Variants in SUGP2 observed in about 807,000 individuals in gnomAD.
SUGP2 encodes the protein SURP and G-patch domain containing 2.
In SUGP2, 24 loss-of-function variants were observed where a neutral mutation model predicts 90.5. The observed-to-expected ratio is 0.27, with a 90% confidence interval of 0.19 to 0.37. The LOEUF (loss-of-function observed/expected upper bound fraction) is 0.37. SUGP2 is among the 10% of genes least tolerant of loss of function. SUGP2 has a pLI of 1.00. For missense variants in SUGP2, 1,233 were observed against 1,363.3 expected, an observed-to-expected ratio of 0.90 and a Z score of 1.51; for synonymous variants, 473 against 513.4, an observed-to-expected ratio of 0.92 and a Z score of 1.06.
chr19:19,026,514 GAC>G (rs1245564155), intron 2 of SUGP2, among the ~76,000 whole-genome samples: 2 of 152,188 alleles, frequency 1.3e-5, no homozygotes, highest in African/African-American at 2.4e-5. Flanking sequence ...TGACGGGCAA[GAC>G]ACAGACTCTC....
At chr19:19,022,389 C>T (rs1225640215) in intron 3 of SUGP2, among the ~76,000 whole-genome samples, 1 of 152,194 alleles carries the variant, frequency 6.6e-6, no homozygotes, top group Admixed American at 6.6e-5. Flanking sequence ...CTGAGGCTTG[C>T]AGATGCTAAC....
intron 2 of SUGP2, 140 bp from the exon 3 acceptor site, chr19:19,026,366 T>C: frequency 1.3e-6 from 1 of 772,110 alleles, no homozygotes; most frequent in Non-Finnish European, 2.0e-6. Context: ...TTTGCCAATC[T>C]GTATTTGCTG....
intron 2 of SUGP2, among the ~76,000 whole-genome samples, chr19:19,027,237 G>C (rs2058971768): frequency 6.6e-6 from 1 of 152,218 alleles, no homozygotes; most frequent in Non-Finnish European, 1.5e-5. Context: ...GGGCCTCAGG[G>C]AGAGTTTTCA....
intron 4 of SUGP2, 62 bp downstream of exon 4, chr19:19,019,047 G>A (rs913313539): frequency 6.4e-7 from 1 of 1,566,494 alleles, no homozygotes; most frequent in Non-Finnish European, 8.7e-7. Context: ...CCATCAGAGT[G>A]ACCCAAATTT....
intron 10 of SUGP2, chr19:18,994,053 G>C (rs1195816060): frequency 3.1e-5 from 7 of 228,796 alleles, no homozygotes; most frequent in Non-Finnish European, 6.0e-5. Context: ...AGACAGGCGT[G>C]GCCTATTTCC....
chr19:19,032,295 A>AT (rs1223334520), intron 1 of SUGP2, among the ~76,000 whole-genome samples: 1 of 151,666 alleles, frequency 6.6e-6, no homozygotes, highest in Non-Finnish European at 1.5e-5. Flanking sequence ...AGTAGCTGGG[A>AT]TTACAGGAGT....
intron 8 of SUGP2, among the ~76,000 whole-genome samples, chr19:19,000,565 T>A (rs1185848120): frequency 6.6e-6 from 1 of 152,180 alleles, no homozygotes; most frequent in African/African-American, 2.4e-5. Context: ...TTATGTTTTA[T>A]TTTTTAAGGA....
At chr19:19,016,898 A>C (rs764887957) in intron 4 of SUGP2, among the ~76,000 whole-genome samples, 1 of 152,256 alleles carries the variant, frequency 6.6e-6, no homozygotes, top group Non-Finnish European at 1.5e-5. Flanking sequence ...TTTAAGTTAC[A>C]TGCCTACCTC....
At chr19:19,028,377 T>G (rs1568464953) in intron 2 of SUGP2, among the ~76,000 whole-genome samples, 1 of 152,170 alleles carries the variant, frequency 6.6e-6, no homozygotes, top group Admixed American at 6.5e-5. Flanking sequence ...AGAGGGATGA[T>G]CTCACTGGCT....
In SUGP2 at chr19:18,995,290, G is replaced by C. The variant is rs1373235838; in HGVS notation, c.2992-10C>G. ...CCAAGTCCTTGGGTTTCTGAGGAGAGAGGAGAGTCCAGGCATGTGGGCCAC... is the reference window on the plus strand; with the variant it reads ...CCAAGTCCTTGGGTTTCTGAGGAGACAGGAGAGTCCAGGCATGTGGGCCAC... On this transcript the variant is annotated splice_polypyrimidine_tract_variant and intron_variant, in intron 8 of 10. Transcript: ENST00000452918. 1 of 1,599,312 alleles carries C rather than the reference G, an allele frequency of 6.3e-7. No individual in the cohort carries two copies. The highest frequency in any genetic ancestry group is 1.3e-5 in the African/African-American group (1 of 74,764).
chr19:19,007,205 AC>A (rs1246206471), intron 6 of SUGP2: 1 of 152,210 alleles, frequency 6.6e-6, no homozygotes, highest in Non-Finnish European at 1.5e-5. Context: ...GCTGAGCTCC[AC>A]CTATCCAAGG....
At chr19:18,996,382 T>TGA (rs2057587163) in intron 8 of SUGP2, among the ~76,000 whole-genome samples, 1 of 152,024 alleles carries the variant, frequency 6.6e-6, no homozygotes, top group Non-Finnish European at 1.5e-5. Flanking sequence ...GGCAACACAA[T>TGA]GAGACTGTCT....
At chr19:19,014,223 C>T (rs1296686068) in intron 4 of SUGP2, among the ~76,000 whole-genome samples, 1 of 152,132 alleles carries the variant, frequency 6.6e-6, no homozygotes, top group African/African-American at 2.4e-5. Context: ...AAATTCCTGA[C>T]CTCATGCGGC....
In SUGP2 at chr19:19,025,446, C is replaced by T. The variant is rs1385422607; in HGVS notation, c.902G>A (p.Gly301Glu). The change falls in exon 3 of 11, where the codon GGG becomes GAG. Residue 301 changes from glycine to glutamate, a missense_variant. Coordinates refer to ENST00000452918, the MANE Select transcript of SUGP2 (RefSeq NM_001017392.5). ...IQFPIQKIPL[G>E]LDLKNLRLPR... ...GAGCCGAAGATTCTTCAGATCCAGCCCCAGAGGGATCTTCTGAATGGGGAA... is the reference window on the plus strand; with the variant it reads ...GAGCCGAAGATTCTTCAGATCCAGCTCCAGAGGGATCTTCTGAATGGGGAA... The T allele has an allele frequency of 6.2e-7, 1 of 1,614,142 alleles. No individual in the cohort carries two copies. Among genetic ancestry groups the T allele is most frequent in the Admixed American group, 1.7e-5 (1 of 60,006 alleles).
intron 2 of SUGP2, among the ~76,000 whole-genome samples, chr19:19,028,477 G>A (rs2059018373): frequency 6.6e-6 from 1 of 152,202 alleles, no homozygotes; most frequent in Non-Finnish European, 1.5e-5. Flanking sequence ...TTGATGATTG[G>A]TATTGATGGC....
intron 6 of SUGP2, among the ~76,000 whole-genome samples, chr19:19,005,491 A>T (rs1479658190): frequency 6.6e-6 from 1 of 152,106 alleles, no homozygotes; most frequent in Non-Finnish European, 1.5e-5. Flanking sequence ...CAGCCCCACC[A>T]AGCACTATAA....
At chr19:19,009,574 G>A (rs1374346527) in intron 5 of SUGP2, among the ~76,000 whole-genome samples, 2 of 152,146 alleles carry the variant, frequency 1.3e-5, no homozygotes, top group African/African-American at 4.8e-5. Flanking sequence ...ACCGCCCACG[G>A]CCCCAGCAGC....
rs2057346067 is a variant in SUGP2 at position 18,991,200 on chromosome 19, C to T, written c.*2541G>A. 6.6e-6 allele frequency: 1 copy of T among 152,210 alleles called. No homozygotes were observed. Among genetic ancestry groups the T allele is most frequent in the African/African-American group, 2.4e-5 (1 of 41,452 alleles). The allele number at this position is 152,210 out of a possible 1,614,324, so 9.4% of individuals were successfully genotyped here. On this transcript the variant is annotated 3_prime_UTR_variant, in exon 11 of 11. Coordinates refer to ENST00000452918, the MANE Select transcript of SUGP2 (RefSeq NM_001017392.5). Reference sequence around the variant, plus strand: ...ACTTTGACACGGCTGTGCCACCACACATCACGCGCGACACGAGGATCCTGC... The same window carrying T: ...ACTTTGACACGGCTGTGCCACCACATATCACGCGCGACACGAGGATCCTGC...
At position 19,024,712 on chromosome 19, in the gene SUGP2, T is replaced by G; in HGVS notation, c.1636A>C (p.Lys546Gln). The G allele has an allele frequency of 1.9e-6, 3 of 1,614,210 alleles. No homozygotes were observed. Among genetic ancestry groups the G allele is most frequent in the Non-Finnish European group, 2.5e-6 (3 of 1,180,050 alleles). Residue 546 changes from lysine (K) to glutamine (Q), a missense_variant, in exon 3 of 11, where the codon AAA becomes CAA. Transcript: ENST00000452918. ...TCTCGCATCGGCTCTGGTTCGGCTT[T>G]CTTAACCTGGAGGGGACATCCGCTG... Reference protein sequence around the residue: ...VSSGCPLQVKKAEPEPMREEE... With the variant: ...VSSGCPLQVKQAEPEPMREEE...
Sources: allele counts gnomAD v4.1 joint callset (sites outside exome capture counted in the v4.1 genomes callset), GRCh38; gene constraint gnomAD v4.1.1; transcripts MANE v1.5; gene names NCBI Gene and HGNC (gene_info 2026-07-23, HGNC 2026-07-21).